BAZ1B: variants seen among roughly 807,000 people sequenced by gnomAD.
BAZ1B encodes bromodomain adjacent to zinc finger domain 1B, also known as tyrosine-protein kinase BAZ1B.
In BAZ1B, 22 loss-of-function variants were observed where a neutral mutation model predicts 153.8. That is an observed-to-expected ratio of 0.14 (90% confidence interval 0.10 to 0.20). The LOEUF (loss-of-function observed/expected upper bound fraction) is 0.20, where lower values mean the gene tolerates loss of function less well. Ranked by LOEUF, BAZ1B falls within the 10% of genes least tolerant of loss-of-function variation. The probability of loss-of-function intolerance (pLI) is 1.00; values close to 1 mark genes in which losing one functional copy is unlikely to be tolerated. For missense variants in BAZ1B, 1,325 were observed against 1,799.3 expected (o/e 0.74, Z 4.77); for synonymous variants, 676 against 633.4 (o/e 1.07, Z -1.01).
rs1219069234 is a variant in BAZ1B, at chr7:73,469,354, CCTT to C, written c.2866+160_2866+162del. On this transcript the variant is annotated intron_variant, in intron 9 of 19. Coordinates refer to ENST00000339594, the MANE Select transcript of BAZ1B (RefSeq NM_032408.4). Reference sequence around the variant, plus strand: ...GTGGTAATCAAACGTGGGTTTCTCTCCTTCTTTCTACACATTTCACATCTACCT... The same window carrying C: ...GTGGTAATCAAACGTGGGTTTCTCTCCTTTCTACACATTTCACATCTACCT... 4.6e-5 allele frequency among the ~76,000 whole-genome samples: 7 copies of C among 152,180 alleles called. No homozygotes were observed. In the East Asian group the frequency reaches 7.7e-4, roughly 17 times the overall value.
intron 1 of BAZ1B, among the ~76,000 whole-genome samples, chr7:73,512,781 T>C (rs1168194195): frequency 6.6e-6 from 1 of 152,202 alleles, no homozygotes. Flanking sequence ...GAAATAAAAG[T>C]ATTTAAACAG....
chr7:73,484,587 G>A (rs1436825717), intron 6 of BAZ1B, among the ~76,000 whole-genome samples: 1 of 151,902 alleles, frequency 6.6e-6, no homozygotes, highest in Non-Finnish European at 1.5e-5. Context: ...AGACTGCAGT[G>A]AGCTATGATC....
intron 13 of BAZ1B, among the ~76,000 whole-genome samples, chr7:73,453,480 G>A (rs928104345): frequency 1.3e-5 from 2 of 152,216 alleles, no homozygotes; most frequent in African/African-American, 4.8e-5. Context: ...ACTGTTGCAG[G>A]AAAAGAAATG....
chr7:73,492,502 A>G (rs949469173), intron 5 of BAZ1B, among the ~76,000 whole-genome samples: 3 of 152,158 alleles, frequency 2.0e-5, no homozygotes, highest in Admixed American at 6.6e-5. Flanking sequence ...ATTTCCTTGG[A>G]AAGTCCATAA....
chr7:73,521,851 G>C lies in BAZ1B; in HGVS notation c.83C>G (p.Thr28Ser), dbSNP rs1554580281. The C allele has an allele frequency of 1.3e-6, 2 of 1,510,450 alleles. No homozygotes were observed. The highest frequency in any genetic ancestry group is 2.9e-5 in the African/African-American group (2 of 68,928). The allele number at this position is 1,510,450 out of a possible 1,614,324, so 93.6% of individuals were successfully genotyped here. A position where few individuals can be genotyped will look rare whatever the true frequency, so the allele number is the denominator to read the frequency against. Residue 28 changes from threonine (T) to serine (S), a missense_variant, in exon 1 of 20, where the codon ACT becomes AGT. By Grantham distance (58) the Thr-to-Ser change is moderately conservative (BLOSUM62 1). Coordinates refer to ENST00000339594, the MANE Select transcript of BAZ1B (RefSeq NM_032408.4). ...GEEPLFTIPHTQEAFRTREEY... is the reference protein window; with the variant it reads ...GEEPLFTIPHSQEAFRTREEY... ...CTCCCGGGTGCGGAAGGCCTCCTGA[G>C]TGTGCGGGATGGTGAAGAGCGGCTC... is the stretch of plus-strand genomic sequence containing the variant.
chr7:73,517,606 C>T (rs1790857991), intron 1 of BAZ1B, among the ~76,000 whole-genome samples: 1 of 152,202 alleles, frequency 6.6e-6, no homozygotes, highest in South Asian at 2.1e-4. Context: ...AATCCTATTT[C>T]AGATTTTAGG....
intron 13 of BAZ1B, among the ~76,000 whole-genome samples, chr7:73,456,941 A>C (rs1554569639): frequency 4.9e-5 from 2 of 40,428 alleles, no homozygotes; most frequent in Non-Finnish European, 9.8e-5. Context: ...CTGTCTCAAA[A>C]AAAAAAAAAA....
At position 73,498,641 on chromosome 7, in the gene BAZ1B, C is replaced by T. The variant is rs782350633; in HGVS notation, c.427G>A (p.Val143Met). 5.9e-5 allele frequency: 96 copies of T among 1,614,036 alleles called. No homozygotes were observed. Among genetic ancestry groups the T allele is most frequent in the Non-Finnish European group, 7.5e-5 (89 of 1,180,032 alleles). ...TTCTTCTCAGTGGCCTCTTCATCCA[C>T]TTTCTCCAAAGGATGAATCTTCACA... ...KIVKIHPLEK[V>M]DEEATEKKSD... The change falls in exon 4 of 20, where the codon GTG becomes ATG. Residue 143 changes from valine (V) to methionine (M), a missense_variant. Coordinates refer to ENST00000339594, the MANE Select transcript of BAZ1B (RefSeq NM_032408.4).
intron 1 of BAZ1B, among the ~76,000 whole-genome samples, chr7:73,513,056 G>A (rs1790650683): frequency 6.6e-6 from 1 of 152,150 alleles, no homozygotes; most frequent in South Asian, 2.1e-4. Flanking sequence ...CTGGGGTCAA[G>A]CAATCCTGGG....
Position 73,469,597 on chromosome 7 carries a change from A to C in BAZ1B, c.2786T>G (p.Val929Gly), listed in dbSNP as rs1554571706. ...VPGLFIEKGW[V>G]HDSIDYRFNH... Reference sequence around the variant, plus strand: ...GAATCGGTAGTCAATGCTGTCATGTACCCAGCCTTTTTCAATGAATAATCC... The same window carrying C: ...GAATCGGTAGTCAATGCTGTCATGTCCCCAGCCTTTTTCAATGAATAATCC... Residue 929 changes from valine (V) to glycine (G), a missense_variant, in exon 9 of 20, where the codon GTA becomes GGA. Physicochemically the swap from Val to Gly is moderately radical, Grantham distance 109. Around this residue, in one of 9 missense-constraint regions of BAZ1B, gnomAD observed 431 missense variants for 563.5 expected, o/e 0.76. Coordinates refer to ENST00000339594, the MANE Select transcript of BAZ1B (RefSeq NM_032408.4). 1 of 1,614,146 alleles carries C rather than the reference A, an allele frequency of 6.2e-7. No homozygotes were observed. Among genetic ancestry groups the C allele is most frequent in the Non-Finnish European group, 8.5e-7 (1 of 1,179,994 alleles).
intron 7 of BAZ1B, 98 bp downstream of exon 7, chr7:73,476,770 T>C (rs746082890): frequency 6.6e-7 from 1 of 1,506,722 alleles, no homozygotes; most frequent in Non-Finnish European, 8.8e-7. Flanking sequence ...CATACAGAAA[T>C]AAGTAAACAA....
chr7:73,442,578 A>G, intron 18 of BAZ1B, 25 bp from the exon 19 acceptor site: 1 of 1,595,144 alleles, frequency 6.3e-7, no homozygotes. Context: ...CAAATGGAGA[A>G]TCTGCACAGC....
chr7:73,510,298 G>A (rs1407647722), intron 2 of BAZ1B, among the ~76,000 whole-genome samples: 1 of 151,864 alleles, frequency 6.6e-6, no homozygotes, highest in African/African-American at 2.4e-5. Flanking sequence ...GCTTGGTGGC[G>A]AGCACCTGTA....
chr7:73,520,713 A>C (rs1292464516), intron 1 of BAZ1B, among the ~76,000 whole-genome samples: 1 of 152,220 alleles, frequency 6.6e-6, no homozygotes, highest in Non-Finnish European at 1.5e-5. Flanking sequence ...TTATCCTCTA[A>C]AGTACTGCGT....
At chr7:73,499,967 G>A (rs1173996250) in intron 3 of BAZ1B, among the ~76,000 whole-genome samples, 4 of 152,000 alleles carry the variant, frequency 2.6e-5, no homozygotes, top group Non-Finnish European at 4.4e-5. Flanking sequence ...CCCAAAATGA[G>A]TATTTCTACT....
chr7:73,518,755 A>C (rs1440160096), intron 1 of BAZ1B, among the ~76,000 whole-genome samples: 1 of 152,228 alleles, frequency 6.6e-6, no homozygotes, highest in Non-Finnish European at 1.5e-5. Context: ...ACTTGTGTAG[A>C]GCCAGATTAA....
intron 9 of BAZ1B, among the ~76,000 whole-genome samples, chr7:73,467,930 CAT>C (rs1788658143): frequency 1.3e-5 from 2 of 152,186 alleles, no homozygotes; most frequent in African/African-American, 4.8e-5. Flanking sequence ...TATAAAGTGA[CAT>C]AATCTATGCT....
chr7:73,455,034 G>GT (rs1554569338), intron 13 of BAZ1B, among the ~76,000 whole-genome samples: 1 of 151,760 alleles, frequency 6.6e-6, no homozygotes, highest in African/African-American at 2.4e-5. Context: ...CGGGGTGTGT[G>GT]TGTGTGTGTG....
intron 18 of BAZ1B, 35 bp downstream of exon 18, chr7:73,442,690 C>G (rs781820703): frequency 3.4e-5 from 54 of 1,601,244 alleles, no homozygotes; most frequent in Non-Finnish European, 4.6e-5. Flanking sequence ...AGCCAGGCCA[C>G]TCCTCTCCCC....
Sources: gnomAD v4.1 joint callset for allele counts (sites outside exome capture counted in the v4.1 genomes callset) on GRCh38, gnomAD v4.1.1 for gene constraint, gnomAD v4.1.1 regional missense constraint, MANE v1.5 for transcripts, NCBI Gene and HGNC (gene_info 2026-07-23, HGNC 2026-07-21) for gene names.